The following ARMCX4 variants were observed in gnomAD, a reference collection of about 807,000 sequenced individuals.
The protein encoded by ARMCX4 is armadillo repeat-containing X-linked protein 4.
ARMCX4 carries 3 observed loss-of-function variants against 34.7 expected under a neutral mutation model. The ratio of observed to expected loss-of-function variants is 0.09; its 90% confidence interval spans 0.04 to 0.22. The LOEUF (loss-of-function observed/expected upper bound fraction) is 0.22. ARMCX4 is among the 10% of genes least tolerant of loss of function. The pLI is 1.00. For missense variants in ARMCX4, 1,448 were observed against 1,720.8 expected (o/e 0.84, Z 2.81); for synonymous variants, 513 against 632.8 (o/e 0.81, Z 2.84).
In ARMCX4 at chrX:101,459,747, A is replaced by G. The variant is rs367964024; in HGVS notation, c.-473+13703A>G. The stretch of plus-strand genomic sequence containing the variant: ...GTAATTACTCTTACAATGCAGAAGT[A>G]TCACCAGATACTATCTGCACAGGTT... On this transcript the variant is annotated intron_variant and NMD_transcript_variant, in intron 4 of 15. Transcript: ENST00000433011. 7.9e-4 allele frequency among the ~76,000 whole-genome samples: 89 copies of G among 112,735 alleles called. 1 individual carries two copies. The highest frequency in any genetic ancestry group is 2.7e-3 in the African/African-American group (84 of 31,091).
At chrX:101,418,497 G>C (rs1929028005) in intron 1 of ARMCX4, 1 of 112,917 alleles carries the variant, frequency 8.9e-6, no homozygotes, top group Non-Finnish European at 1.9e-5. Context: ...AGGCCCTTCG[G>C]GCTCTTTTCG....
intron 4 of ARMCX4, among the ~76,000 whole-genome samples, chrX:101,478,591 A>G (rs2147643396): frequency 8.9e-6 from 1 of 111,798 alleles, no homozygotes; most frequent in Admixed American, 9.6e-5. Context: ...AGGCTCTTCC[A>G]TTCCTCAGAA....
At chrX:101,502,135 T>C (rs2147689260) in intron 7 of ARMCX4, among the ~76,000 whole-genome samples, 1 of 112,664 alleles carries the variant, frequency 8.9e-6, no homozygotes, top group Admixed American at 9.3e-5. Flanking sequence ...AATGCCTGAC[T>C]ATAGAACATC....
rs782718034 is a variant in ARMCX4 at position 101,490,916 on chromosome X, C to T, written c.2327C>T (p.Ser776Phe). ...GTCAAGGCCAATCTTAATGCTGTGT[C>T]TAAGGCAGAAGCTGGGATGGGTGCA... ...NKVKANLNAVSKAEAGMGATG... is the reference protein window; with the variant it reads ...NKVKANLNAVFKAEAGMGATG... The change falls in exon 6 of 6, where the codon TCT (serine) becomes TTT (phenylalanine). Residue 776 changes from serine to phenylalanine, a missense_variant. By Grantham distance (155) the Ser-to-Phe change is radical. This residue lies in a region of ARMCX4 where 1,343 missense variants were observed against 1,540.7 expected (regional missense o/e 0.87). Coordinates refer to ENST00000423738, the MANE Select transcript of ARMCX4 (RefSeq NM_001256155.3). The T allele has an allele frequency of 4.0e-5, 46 of 1,153,358 alleles. No homozygotes were observed. In the South Asian group the frequency reaches 8.6e-4, roughly 21 times the overall value.
intron 11 of ARMCX4, among the ~76,000 whole-genome samples, chrX:101,527,503 A>C (rs1235343029): frequency 8.9e-6 from 1 of 111,796 alleles, no homozygotes; most frequent in Non-Finnish European, 1.9e-5. Flanking sequence ...AAGGAAATAG[A>C]GACACAAAAA....
chrX:101,530,516 A>C (rs1053867989), intron 11 of ARMCX4, among the ~76,000 whole-genome samples: 5 of 112,130 alleles, frequency 4.5e-5, no homozygotes, highest in Non-Finnish European at 7.5e-5. Context: ...AAAAAGTGGT[A>C]TATAAAAAAA....
At chrX:101,508,955 C>T (rs372769014) in intron 8 of ARMCX4, among the ~76,000 whole-genome samples, 2 of 111,175 alleles carry the variant, frequency 1.8e-5, no homozygotes, top group African/African-American at 6.5e-5. Context: ...TGACTATGTA[C>T]TTGTTATTGA....
At chrX:101,528,105 T>G (rs1935024676) in intron 11 of ARMCX4, among the ~76,000 whole-genome samples, 1 of 111,576 alleles carries the variant, frequency 9.0e-6, no homozygotes. Flanking sequence ...GCAAACAGAA[T>G]CCAGCAGCAC....
At chrX:101,436,772 A>G (rs1251095257) in intron 2 of ARMCX4, among the ~76,000 whole-genome samples, 1 of 111,364 alleles carries the variant, frequency 9.0e-6, no homozygotes, top group Non-Finnish European at 1.9e-5. Flanking sequence ...TATGATATTG[A>G]CTGTGGGTTT....
chrX:101,443,046 G>T (rs1931400210), intron 2 of ARMCX4, among the ~76,000 whole-genome samples: 1 of 104,546 alleles, frequency 9.6e-6, no homozygotes, highest in Non-Finnish European at 1.9e-5. Context: ...CAGGAGAATG[G>T]CATGAACCCA....
intron 4 of ARMCX4, among the ~76,000 whole-genome samples, chrX:101,460,961 G>C (rs1556001132): frequency 8.9e-6 from 1 of 111,950 alleles, no homozygotes; most frequent in Non-Finnish European, 1.9e-5. Flanking sequence ...AAGCTTTTCT[G>C]TTTGAAGCCT....
In ARMCX4 at chrX:101,490,298, G is replaced by A. The variant is rs958601964; in HGVS notation, c.1709G>A (p.Gly570Asp). 12 of 1,152,907 alleles carry A rather than the reference G, an allele frequency of 1.0e-5. No individual in the cohort carries two copies. Among genetic ancestry groups the A allele is most frequent in the Non-Finnish European group, 1.4e-5 (12 of 872,042 alleles). ...ALLDSRVDGR[G>D]NPNATSKAGT... ...CTTGATTCCAGGGTTGATGGTAGGG[G>A]CAATCCTAATGCCACTTCTAAAGCC... is the stretch of plus-strand genomic sequence containing the variant. The change falls in exon 6 of 6, where the codon GGC becomes GAC. Residue 570 changes from glycine (G) to aspartate (D), a missense_variant. Around this residue, in one of 2 missense-constraint regions of ARMCX4, gnomAD observed 1,343 missense variants for 1,540.7 expected, o/e 0.87. Transcript: ENST00000423738.
In ARMCX4 at chrX:101,493,404, C is replaced by A; in HGVS notation, c.4815C>A (p.Ser1605=). 1 of 1,154,204 alleles carries A rather than the reference C, an allele frequency of 8.7e-7. No individual in the cohort carries two copies. Among genetic ancestry groups the A allele is most frequent in the Non-Finnish European group, 1.1e-6 (1 of 872,475 alleles). Residue 1605 remains serine (S), a synonymous_variant, in exon 6 of 6, where the codon TCC becomes TCA. Transcript: ENST00000423738. The part of the protein sequence containing the change: ...GGSRPGSEDQ[S]SGIGSWGVAG... The stretch of plus-strand genomic sequence containing the variant: ...CCAGGCCAGGGTCTGAGGATCAGTC[C>A]AGTGGAATAGGTTCCTGGGGTGTGG...
At chrX:101,460,560 C>T (rs890678913) in intron 4 of ARMCX4, among the ~76,000 whole-genome samples, 2 of 111,911 alleles carry the variant, frequency 1.8e-5, no homozygotes, top group African/African-American at 6.5e-5. Flanking sequence ...TGTCTGGAAT[C>T]CACCAGGGCT....
chrX:101,520,929 CT>C (rs201578184), intron 11 of ARMCX4, among the ~76,000 whole-genome samples: 156 of 94,664 alleles, frequency 1.6e-3, no homozygotes, highest in Middle Eastern at 5.6e-3. Flanking sequence ...AATTAAATGT[CT>C]TTTTTTTTTT....
rs868945622 is a variant in ARMCX4, at chrX:101,493,022, C to T, written c.4433C>T (p.Ala1478Val). Residue 1478 changes from alanine (A) to valine (V), a missense_variant, in exon 6 of 6, where the codon GCC becomes GTC. Physicochemically the swap from Ala to Val is moderately conservative, Grantham distance 64. This residue lies in a region of ARMCX4 where 1,343 missense variants were observed against 1,540.7 expected (regional missense o/e 0.87). Coordinates refer to ENST00000423738, the MANE Select transcript of ARMCX4 (RefSeq NM_001256155.3). ...AGTGGCAGAGGGTCCTGGGCTGATG[C>T]CAGGGAGCAGGTTGTTGGAGATTCT... ...QVSGRGSWAD[A>V]REQVVGDSRL... The T allele has an allele frequency of 1.3e-5, 15 of 1,153,642 alleles. No homozygotes were observed. In the African/African-American group the frequency reaches 2.5e-4, roughly 19 times the overall value.
chrX:101,432,780 A>G (rs147697287), intron 2 of ARMCX4, among the ~76,000 whole-genome samples: 6,583 of 69,156 alleles, frequency 0.095, 221 homozygotes, highest in African/African-American at 0.14. Flanking sequence ...GTATACATAT[A>G]TGTATATACA....
At chrX:101,533,356 C>T (rs1356409693) in exon 13 of ARMCX4, 4 of 110,803 alleles carry the variant, frequency 3.6e-5, no homozygotes, top group African/African-American at 1.3e-4. Flanking sequence ...GTAACAGCTA[C>T]CTGCTATTGC....
intron 3 of ARMCX4, among the ~76,000 whole-genome samples, chrX:101,445,054 A>G (rs1931542233): frequency 8.9e-6 from 1 of 112,287 alleles, no homozygotes; most frequent in Non-Finnish European, 1.9e-5. Context: ...TTGAGATTAA[A>G]TTTAGGAGTT....
Sources: allele counts gnomAD v4.1 joint callset (sites outside exome capture counted in the v4.1 genomes callset), GRCh38; gene constraint gnomAD v4.1.1; regional missense constraint gnomAD v4.1.1; transcripts MANE v1.5; gene names NCBI Gene and HGNC (gene_info 2026-07-23, HGNC 2026-07-21).